HECW2: variants seen among roughly 807,000 people sequenced by gnomAD.
HECW2 encodes HECT, C2 and WW domain containing E3 ubiquitin protein ligase 2, also known as E3 ubiquitin-protein ligase HECW2.
HECW2 carries 61 observed loss-of-function variants against 175.2 expected under a neutral mutation model. The ratio of observed to expected loss-of-function variants is 0.35; its 90% CI spans 0.28 to 0.43. HECW2 has a LOEUF of 0.43. HECW2 is among the 20% of genes least tolerant of loss of function. The pLI, the probability that HECW2 is intolerant of heterozygous loss-of-function variation, is 1.00. For synonymous variants in HECW2, 671 were observed against 731.0 expected (o/e 0.92, Z 1.32); for missense variants, 1,524 against 2,000.5 (o/e 0.76, Z 4.54).
chr2:196,547,186 G>A (rs1305660510), intron 1 of HECW2, among the ~76,000 whole-genome samples: 1 of 152,176 alleles, frequency 6.6e-6, no homozygotes, highest in Non-Finnish European at 1.5e-5. Context: ...TAAAATCTAA[G>A]ATGTTCAAGA....
intron 25 of HECW2, 74 bp from the exon 26 acceptor site, chr2:196,220,227 A>C: frequency 2.1e-6 from 2 of 960,176 alleles, no homozygotes; most frequent in Non-Finnish European, 3.3e-6. Context: ...GCCTTAGAAA[A>C]GGGGACACAT....
chr2:196,396,779 G>A (rs1314395633), intron 2 of HECW2, among the ~76,000 whole-genome samples: 1 of 151,256 alleles, frequency 6.6e-6, no homozygotes, highest in Admixed American at 6.6e-5. Context: ...CTATTGTCTT[G>A]CAAAAATATT....
intron 1 of HECW2, among the ~76,000 whole-genome samples, chr2:196,502,245 C>G (rs146688121): frequency 1.5e-3 from 223 of 152,302 alleles, no homozygotes; most frequent in African/African-American, 5.1e-3. Context: ...ATTTAACCAA[C>G]TTTGGTGTTC....
chr2:196,254,798 A>G (rs2105916254), intron 18 of HECW2, among the ~76,000 whole-genome samples: 1 of 152,334 alleles, frequency 6.6e-6, no homozygotes, highest in African/African-American at 2.4e-5. Flanking sequence ...TACAAATCTA[A>G]TACTGTGAAA....
At chr2:196,290,829 C>CA (rs1216256193) in intron 14 of HECW2, 1 of 152,166 alleles carries the variant, frequency 6.6e-6, no homozygotes, top group African/African-American at 2.4e-5. Context: ...GCTTCTCTGT[C>CA]ACGCCCATCT....
chr2:196,536,645 G>A (rs547639993), intron 1 of HECW2, among the ~76,000 whole-genome samples: 3 of 152,090 alleles, frequency 2.0e-5, no homozygotes, highest in South Asian at 2.1e-4. Flanking sequence ...CAGCTTGAAG[G>A]AAAAAAGGAG....
chr2:196,233,170 A>G (rs1474101575), intron 21 of HECW2, among the ~76,000 whole-genome samples: 1 of 152,188 alleles, frequency 6.6e-6, no homozygotes, highest in Non-Finnish European at 1.5e-5. Flanking sequence ...TTTGCCAGTT[A>G]GGTTGGTTCC....
rs1304864523 is a variant in HECW2 at position 196,308,108 on chromosome 2, A to C, written c.2435-23T>G. ...AGTCTAAATGGCAGTGAGGCACCGA[A>C]AGGAATTAGGAGGAGGAGCTGAGAT... On this transcript the variant is annotated intron_variant, in intron 10 of 28. Transcript: ENST00000644978. 5.2e-6 allele frequency: 8 copies of C among 1,535,932 alleles called. No homozygotes were observed. In the South Asian group the frequency reaches 9.7e-5, roughly 19 times the overall value.
At chr2:196,307,785 T>C (rs1409760240) in intron 11 of HECW2, 150 bp downstream of exon 11, 3 of 646,096 alleles carry the variant, frequency 4.6e-6, no homozygotes, top group Non-Finnish European at 7.3e-6. Context: ...AGAAGTCCAA[T>C]TGAAGTCTGG....
intron 17 of HECW2, among the ~76,000 whole-genome samples, chr2:196,266,709 C>T (rs1487514813): frequency 6.6e-5 from 10 of 152,132 alleles, no homozygotes; most frequent in Non-Finnish European, 1.5e-4. Flanking sequence ...CAATTTTGAA[C>T]ACTAGGGTTT....
intron 1 of HECW2, among the ~76,000 whole-genome samples, chr2:196,492,239 A>G (rs1457173774): frequency 1.3e-5 from 2 of 152,210 alleles, no homozygotes; most frequent in African/African-American, 4.8e-5. Flanking sequence ...AGGGGACGCC[A>G]CAGTGAGCAA....
intron 17 of HECW2, chr2:196,263,359 C>T (rs1428476096): frequency 1.3e-5 from 2 of 152,146 alleles, no homozygotes; most frequent in Non-Finnish European, 1.5e-5. Flanking sequence ...AAAACATTCT[C>T]ATGAAACCAC....
intron 4 of HECW2, among the ~76,000 whole-genome samples, chr2:196,332,705 G>A (rs1213593805): frequency 6.6e-6 from 1 of 152,146 alleles, no homozygotes; most frequent in Non-Finnish European, 1.5e-5. Flanking sequence ...GCTTAAAAAT[G>A]TTTGGAAGCT....
At chr2:196,443,678 G>A (rs561142953) in intron 1 of HECW2, among the ~76,000 whole-genome samples, 3 of 152,260 alleles carry the variant, frequency 2.0e-5, no homozygotes, top group Non-Finnish European at 2.9e-5. Context: ...AAGAAGAAAC[G>A]AAAACAAGAA....
At chr2:196,450,363 A>G (rs1696309737) in intron 1 of HECW2, among the ~76,000 whole-genome samples, 1 of 152,138 alleles carries the variant, frequency 6.6e-6, no homozygotes, top group African/African-American at 2.4e-5. Context: ...TGGAGATGAG[A>G]GGAAGAAGAA....
rs1007096517 is a variant in HECW2, at chr2:196,195,403, A to G, written c.*5874T>C. ...GGCACTACACATAAAAATCACATATATAAATTTAATTCTCCTGTGTTCCCC... is the reference window on the plus strand; with the variant it reads ...GGCACTACACATAAAAATCACATATGTAAATTTAATTCTCCTGTGTTCCCC... On this transcript the variant is annotated 3_prime_UTR_variant, in exon 29 of 29. Coordinates refer to ENST00000644978, the MANE Select transcript of HECW2 (RefSeq NM_001348768.2). 8 of 152,250 alleles carry G rather than the reference A, an allele frequency of 5.3e-5. No homozygotes were observed. The highest frequency in any genetic ancestry group is 2.1e-4 in the South Asian group (1 of 4,830). The allele number at this position is 152,250 out of a possible 1,614,324, so 9.4% of individuals were successfully genotyped here.
chr2:196,415,377 A>G (rs1695226265), intron 2 of HECW2, among the ~76,000 whole-genome samples: 1 of 152,218 alleles, frequency 6.6e-6, no homozygotes. Context: ...TTTGCTTGTC[A>G]GTCTGTTCGT....
intron 1 of HECW2, among the ~76,000 whole-genome samples, chr2:196,536,664 T>C (rs1032648312): frequency 6.6e-6 from 1 of 152,146 alleles, no homozygotes; most frequent in South Asian, 2.1e-4. Context: ...AGATTATAGA[T>C]CTCAAAAAGT....
chr2:196,542,483 T>C (rs1033207462), intron 1 of HECW2, among the ~76,000 whole-genome samples: 2 of 152,148 alleles, frequency 1.3e-5, no homozygotes, highest in Admixed American at 1.3e-4. Context: ...AAATTGCTCA[T>C]AGCATAATTT....
Sources: allele counts gnomAD v4.1 joint callset (sites outside exome capture counted in the v4.1 genomes callset), GRCh38; gene constraint gnomAD v4.1.1; transcripts MANE v1.5; gene names NCBI Gene and HGNC (gene_info 2026-07-23, HGNC 2026-07-21).